RTF2: variants seen among roughly 807,000 people sequenced by gnomAD.
RTF2 encodes replication termination factor 2.
In RTF2, 18 loss-of-function variants were observed where a neutral mutation model predicts 38.0. The observed-to-expected ratio is 0.47, with a 90% CI of 0.33 to 0.70. The LOEUF (loss-of-function observed/expected upper bound fraction) is 0.70, where lower values mean the gene tolerates loss of function less well. Ranked by LOEUF, RTF2 falls within the 30% of genes least tolerant of loss-of-function variation. The pLI, the probability that RTF2 is intolerant of heterozygous loss-of-function variation, is 0.02. For missense variants in RTF2, 311 were observed against 379.6 expected (o/e 0.82, Z 1.50); for synonymous variants, 126 against 137.1 (o/e 0.92, Z 0.57).
At chr20:56,494,886 CTG>C (rs1246114812) in intron 5 of RTF2, among the ~76,000 whole-genome samples, 7 of 152,176 alleles carry the variant, frequency 4.6e-5, no homozygotes, top group Non-Finnish European at 7.3e-5. Flanking sequence ...TATTGTATCT[CTG>C]TGCAGTAGTT....
Position 56,468,666 on chromosome 20 carries a change from G to T in RTF2, c.-32G>T, listed in dbSNP as rs555709340. The T allele has an allele frequency of 2.6e-6, 4 of 1,551,962 alleles. No individual in the cohort carries two copies. Among genetic ancestry groups the T allele is most frequent in the African/African-American group, 2.7e-5 (2 of 73,362 alleles). On this transcript the variant is annotated 5_prime_UTR_variant, in exon 1 of 9. Coordinates refer to ENST00000357348, the MANE Select transcript of RTF2 (RefSeq NM_016407.5). ...AAATCCCGGAAGTGACAGCTTTGGG[G>T]GTTTGCTGCTGGCTCTGACTCCCGT...
At chr20:56,477,486 C>T (rs1226053033) in intron 4 of RTF2, among the ~76,000 whole-genome samples, 5 of 152,280 alleles carry the variant, frequency 3.3e-5, no homozygotes, top group Non-Finnish European at 5.9e-5. Context: ...TCCTATCAAG[C>T]AAATCCCATT....
chr20:56,474,606 C>A, intron 2 of RTF2, 72 bp from the exon 3 acceptor site: 1 of 905,114 alleles, frequency 1.1e-6, no homozygotes, highest in Non-Finnish European at 1.7e-6. Context: ...GGATTGTGTT[C>A]AGTTTATTCT....
chr20:56,468,667 G>A lies in RTF2; in HGVS notation c.-31G>A, dbSNP rs768727501. 1.3e-6 allele frequency: 2 copies of A among 1,553,110 alleles called. No individual in the cohort carries two copies. The highest frequency in any genetic ancestry group is 8.7e-7 in the Non-Finnish European group (1 of 1,146,734). ...AATCCCGGAAGTGACAGCTTTGGGG[G>A]TTTGCTGCTGGCTCTGACTCCCGTC... On this transcript the variant is annotated 5_prime_UTR_variant, in exon 1 of 9. Coordinates refer to ENST00000357348, the MANE Select transcript of RTF2 (RefSeq NM_016407.5).
chr20:56,470,764 T>C, intron 1 of RTF2: 1 of 431,988 alleles, frequency 2.3e-6, no homozygotes, highest in Non-Finnish European at 4.7e-6. Flanking sequence ...GGGGTCTCCA[T>C]AAAGATCCCT....
intron 4 of RTF2, among the ~76,000 whole-genome samples, chr20:56,477,435 A>T (rs1053593606): frequency 6.6e-6 from 1 of 152,212 alleles, no homozygotes; most frequent in Non-Finnish European, 1.5e-5. Flanking sequence ...TAGTTCTTAG[A>T]TCATCTTTTC....
chr20:56,495,484 G>A (rs1031624893), intron 5 of RTF2, among the ~76,000 whole-genome samples: 9 of 152,276 alleles, frequency 5.9e-5, no homozygotes, highest in Admixed American at 1.3e-4. Flanking sequence ...GTGCTTTTGG[G>A]GGTGGGAGCA....
intron 5 of RTF2, among the ~76,000 whole-genome samples, chr20:56,492,345 T>C (rs1983209920): frequency 1.3e-5 from 2 of 150,260 alleles, no homozygotes; most frequent in Non-Finnish European, 3.0e-5. Context: ...CCCAAAGTGC[T>C]GGGATTACAG....
At chr20:56,482,431 A>G (rs558869844) in intron 4 of RTF2, among the ~76,000 whole-genome samples, 143 of 152,334 alleles carry the variant, frequency 9.4e-4, no homozygotes, top group Middle Eastern at 3.4e-3. Context: ...AAATGCATTC[A>G]TTTTTCCTCC....
rs577365577 is a variant in RTF2 at position 56,468,801 on chromosome 20, G to A, written c.69+35G>A. 3.6e-5 allele frequency: 56 copies of A among 1,540,026 alleles called. No homozygotes were observed. The South Asian group carries it at 4.7e-4, about 13-fold the overall frequency. On this transcript the variant is annotated intron_variant, in intron 1 of 8. Coordinates refer to ENST00000357348, the MANE Select transcript of RTF2 (RefSeq NM_016407.5). ...GTGGGCCGGCTCTTGGCGACCGGGG[G>A]TGGTGGGAATTTGACGACCCCAGAA...
chr20:56,470,085 G>T (rs935996097), intron 1 of RTF2, among the ~76,000 whole-genome samples: 2 of 152,160 alleles, frequency 1.3e-5, no homozygotes, highest in African/African-American at 4.8e-5. Flanking sequence ...CCATGTGTCA[G>T]CCACATAATA....
chr20:56,469,061 A>G (rs1238859667), intron 1 of RTF2, among the ~76,000 whole-genome samples: 2 of 152,226 alleles, frequency 1.3e-5, no homozygotes, highest in South Asian at 2.1e-4. Flanking sequence ...TTGAGGCTCA[A>G]AAGGAGAAAT....
At chr20:56,501,667 T>C (rs962192095) in intron 5 of RTF2, among the ~76,000 whole-genome samples, 1 of 151,958 alleles carries the variant, frequency 6.6e-6, no homozygotes, top group Non-Finnish European at 1.5e-5. Flanking sequence ...GCCTGGGCGA[T>C]GTAGTGAGAC....
At chr20:56,492,880 T>TA (rs11478442) in intron 5 of RTF2, among the ~76,000 whole-genome samples, 2 of 151,600 alleles carry the variant, frequency 1.3e-5, no homozygotes, top group African/African-American at 4.8e-5. Flanking sequence ...ATCCTACTTT[T>TA]AAAAAAACGT....
chr20:56,516,008 T>G (rs1985023340), intron 6 of RTF2: 1 of 152,276 alleles, frequency 6.6e-6, no homozygotes, highest in African/African-American at 2.4e-5. Context: ...AGTAAACAGT[T>G]GTCTCTTATT....
chr20:56,477,937 A>T (rs573808287), intron 4 of RTF2, among the ~76,000 whole-genome samples: 54 of 152,352 alleles, frequency 3.5e-4, no homozygotes, highest in African/African-American at 1.3e-3. Flanking sequence ...AGCACTGGGA[A>T]TCTTATGGTT....
intron 5 of RTF2, chr20:56,497,419 G>T: frequency 6.5e-7 from 1 of 1,546,684 alleles, no homozygotes; most frequent in Non-Finnish European, 8.7e-7. Flanking sequence ...GCAATTTAGG[G>T]GGCCGCCCCT....
At chr20:56,506,740 G>T (rs1003705112) in intron 5 of RTF2, among the ~76,000 whole-genome samples, 2 of 151,442 alleles carry the variant, frequency 1.3e-5, no homozygotes, top group Admixed American at 6.6e-5. Context: ...TCGCTCTGTC[G>T]CCCAGGCTGG....
intron 3 of RTF2, among the ~76,000 whole-genome samples, chr20:56,475,649 T>C (rs1982201146): frequency 6.6e-6 from 1 of 152,210 alleles, no homozygotes; most frequent in African/African-American, 2.4e-5. Context: ...AACGATTCTT[T>C]AGTAGTTCAT....
Sources: allele counts gnomAD v4.1 joint callset (sites outside exome capture counted in the v4.1 genomes callset), GRCh38; gene constraint gnomAD v4.1.1; transcripts MANE v1.5; gene names NCBI Gene and HGNC (gene_info 2026-07-23, HGNC 2026-07-21).